Variants in MS4A18 observed in about 807,000 individuals in gnomAD.
The protein encoded by MS4A18 is membrane spanning 4-domains A18, also known as membrane-spanning 4-domains subfamily A member 18.
MS4A18 carries 27 observed loss-of-function variants against 13.1 expected under a neutral mutation model. The observed-to-expected ratio is 2.06, with a 90% CI of 1.52 to 2.84. The LOEUF (loss-of-function observed/expected upper bound fraction) is 2.84. MS4A18 is among the 30% of genes most tolerant of loss of function. The pLI, the probability that MS4A18 is intolerant of heterozygous loss-of-function variation, is 0.00. For synonymous variants in MS4A18, 126 were observed against 76.5 expected (o/e 1.65, Z -3.38); for missense variants, 307 against 196.4 (o/e 1.56, Z -3.37).
chr11:60,743,711 T>C (rs1590966384), exon 6 of MS4A18: 1 of 703,088 alleles, frequency 1.4e-6, no homozygotes, highest in East Asian at 2.7e-5. Flanking sequence ...ACCAGCCCTG[T>C]CAATGCTACC....
At chr11:60,728,953 G>C (rs370986408), upstream of MS4A18, among the ~76,000 whole-genome samples, 2 of 152,306 alleles carry the variant, frequency 1.3e-5, no homozygotes, top group East Asian at 3.9e-4. Flanking sequence ...AGATCAATCA[G>C]CTTTGCCAGG....
In MS4A18 at chr11:60,738,900, A is replaced by C. The variant is rs1392942139; in HGVS notation, c.649-2A>C. 1.4e-6 allele frequency: 1 copy of C among 703,234 alleles called. No homozygotes were observed. Among genetic ancestry groups the C allele is most frequent in the Admixed American group, 2.0e-5 (1 of 49,996 alleles). The allele number at this position is 703,234 out of a possible 1,614,324, so 43.6% of individuals were successfully genotyped here. On this transcript the variant is annotated splice_acceptor_variant, in intron 3 of 5. Transcript: ENST00000529108. LOFTEE classifies it high-confidence loss of function. The stretch of plus-strand genomic sequence containing the variant: ...CTCTCTCCTCTCCCTCCTCTCCTGC[A>C]GGTGAACAGCAGCATCAGCTTCAAC...
chr11:60,728,921 T>G (rs761450008), upstream of MS4A18, among the ~76,000 whole-genome samples: 1 of 152,106 alleles, frequency 6.6e-6, no homozygotes, highest in Non-Finnish European at 1.5e-5. Flanking sequence ...ACCAGAGCAT[T>G]TGGGGTCAGT....
At chr11:60,730,893 G>A (rs1853243614) in intron 1 of MS4A18, among the ~76,000 whole-genome samples, 1 of 152,202 alleles carries the variant, frequency 6.6e-6, no homozygotes. Context: ...AGGAAATCGA[G>A]ACCATCCTGG....
chr11:60,733,449 G>A (rs1853285738), intron 1 of MS4A18, 85 bp from the exon 3 acceptor site: 1 of 696,578 alleles, frequency 1.4e-6, no homozygotes, highest in Non-Finnish European at 2.6e-6. Flanking sequence ...GGGTGATTCT[G>A]GGGCACAGCC....
At chr11:60,724,992 C>T (rs1002566289), upstream of MS4A18, among the ~76,000 whole-genome samples, 10 of 152,166 alleles carry the variant, frequency 6.6e-5, no homozygotes, top group Non-Finnish European at 1.5e-5. Context: ...TGGGAAGTAA[C>T]TGAAGAGTCA....
In MS4A18 at chr11:60,743,493, G is replaced by C. The variant is rs372875819; in HGVS notation, c.859-157G>C. Among the ~76,000 whole-genome samples the C allele has an allele frequency of 3.3e-5, 5 of 152,328 alleles. No homozygotes were observed. The South Asian group carries it at 1.0e-3, about 32-fold the overall frequency. On this transcript the variant is annotated intron_variant, in intron 5 of 5. Coordinates refer to ENST00000529108, the Ensembl canonical transcript of MS4A18. ...AGACACTGTACAGATCATATTTACT[G>C]TTGCCCCCTTGGCCAAAGAAAGTCA...
At position 60,738,901 on chromosome 11, in the gene MS4A18, G is replaced by C. The variant is rs1223321283; in HGVS notation, c.649-1G>C. The C allele has an allele frequency of 4.3e-6, 3 of 703,248 alleles. No homozygotes were observed. 43.6% of individuals were successfully genotyped at this position (703,248 alleles called of 1,614,324 possible). On this transcript the variant is annotated splice_acceptor_variant, in intron 3 of 5. Transcript: ENST00000529108. LOFTEE classifies it high-confidence loss of function. The stretch of plus-strand genomic sequence containing the variant: ...TCTCTCCTCTCCCTCCTCTCCTGCA[G>C]GTGAACAGCAGCATCAGCTTCAACA...
At chr11:60,742,119 C>T (rs1028347179) in intron 5 of MS4A18, among the ~76,000 whole-genome samples, 11 of 152,206 alleles carry the variant, frequency 7.2e-5, no homozygotes, top group African/African-American at 2.2e-4. Context: ...GTCAATTTGA[C>T]TCTCTGGAAG....
At chr11:60,735,640 T>G (rs1853326491) in intron 2 of MS4A18, among the ~76,000 whole-genome samples, 1 of 144,274 alleles carries the variant, frequency 6.9e-6, no homozygotes, top group Non-Finnish European at 1.5e-5. Context: ...GCTGGCCGAT[T>G]TAATGTTTTT....
At chr11:60,736,282 A>T (rs899539468) in intron 2 of MS4A18, among the ~76,000 whole-genome samples, 2 of 151,450 alleles carry the variant, frequency 1.3e-5, no homozygotes, top group African/African-American at 4.9e-5. Context: ...CCAGATGAAG[A>T]GACTGAAGCT....
chr11:60,730,448 G>A (rs988121222), intron 1 of MS4A18, among the ~76,000 whole-genome samples: 10 of 152,186 alleles, frequency 6.6e-5, no homozygotes, highest in African/African-American at 1.7e-4. Flanking sequence ...AACACTGCAC[G>A]TGCCCTGCAA....
At chr11:60,735,541 G>A (rs1413904278) in intron 2 of MS4A18, among the ~76,000 whole-genome samples, 2 of 143,008 alleles carry the variant, frequency 1.4e-5, no homozygotes, top group South Asian at 4.4e-4. Flanking sequence ...AGTAGAGACA[G>A]GGTTTCACCG....
At chr11:60,738,122 T>C (rs1853368104) in intron 3 of MS4A18, among the ~76,000 whole-genome samples, 1 of 152,222 alleles carries the variant, frequency 6.6e-6, no homozygotes, top group Non-Finnish European at 1.5e-5. Flanking sequence ...CTCACAGCTG[T>C]CCTGGCCTCA....
chr11:60,729,563 A>C, exon 1 of MS4A18: 1 of 702,820 alleles, frequency 1.4e-6, no homozygotes, highest in Middle Eastern at 2.3e-4. Flanking sequence ...TATCAGCGAC[A>C]GTATCCAGTG....
At position 60,741,598 on chromosome 11, in the gene MS4A18, G is replaced by C. The variant is rs532845100; in HGVS notation, c.858+455G>C. Among the ~76,000 whole-genome samples the C allele has an allele frequency of 5.3e-4, 80 of 152,320 alleles. 2 individuals carry two copies. In the South Asian group the frequency reaches 0.016, roughly 30 times the overall value. On this transcript the variant is annotated intron_variant, in intron 5 of 5. Transcript: ENST00000529108. ...ATTTGCTAATGTCCCACTGGTCACA[G>C]TCAGTCACATGGCCGAACCCAGATT...
chr11:60,732,525 C>T (rs930024155), intron 1 of MS4A18, among the ~76,000 whole-genome samples: 2 of 151,728 alleles, frequency 1.3e-5, no homozygotes, highest in East Asian at 3.9e-4. Context: ...GTCAGGAGAT[C>T]GAGACCATCC....
chr11:60,730,910 T>C (rs1853243950), intron 1 of MS4A18, among the ~76,000 whole-genome samples: 2 of 152,108 alleles, frequency 1.3e-5, no homozygotes, highest in Non-Finnish European at 2.9e-5. Context: ...CTGGCTAACA[T>C]GGTGAAACCC....
intron 1 of MS4A18, 119 bp downstream of exon 2, chr11:60,729,905 G>T: frequency 1.7e-6 from 1 of 604,442 alleles, no homozygotes; most frequent in South Asian, 2.0e-5. Context: ...GGGTGTGGGG[G>T]GCAGTTTCTG....
Sources: gnomAD v4.1 joint callset for allele counts (sites outside exome capture counted in the v4.1 genomes callset) on GRCh38, gnomAD v4.1.1 for gene constraint, MANE v1.5 for transcripts, NCBI Gene and HGNC (gene_info 2026-07-23, HGNC 2026-07-21) for gene names.